The following MCF2 variants were observed in gnomAD, a reference collection of about 807,000 sequenced individuals.
The protein encoded by MCF2 is proto-oncogene DBL.
Under a neutral mutation model 82.5 loss-of-function variants are expected in MCF2, and 44 were observed. The observed-to-expected ratio is 0.53, with a 90% CI of 0.42 to 0.69. The LOEUF (loss-of-function observed/expected upper bound fraction) is 0.69, where lower values mean the gene tolerates loss of function less well. Ranked by LOEUF, MCF2 falls within the 30% of genes least tolerant of loss-of-function variation. The pLI is 0.00. For missense variants in MCF2, 623 were observed against 663.1 expected (o/e 0.94, Z 0.66); for synonymous variants, 217 against 224.9 (o/e 0.96, Z 0.32).
exon 17 of MCF2, chrX:139,598,418 C>A: frequency 8.7e-7 from 1 of 1,152,105 alleles, no homozygotes; most frequent in Non-Finnish European, 1.2e-6. Context: ...TCAACAATAA[C>A]TGATATTTAG....
chrX:139,614,414 A>G (rs1460015069), intron 10 of MCF2, among the ~76,000 whole-genome samples: 1 of 111,531 alleles, frequency 9.0e-6, no homozygotes, highest in Non-Finnish European at 1.9e-5. Flanking sequence ...ACTATGCAAT[A>G]TATTCATGTA....
intron 1 of MCF2, among the ~76,000 whole-genome samples, chrX:139,691,297 C>A (rs1487869865): frequency 9.0e-6 from 1 of 111,559 alleles, no homozygotes; most frequent in Non-Finnish European, 1.9e-5. Flanking sequence ...CACGGCCCTG[C>A]TGCTGGTTTC....
chrX:139,692,185 T>C, intron 1 of MCF2: 2 of 966,068 alleles, frequency 2.1e-6, no homozygotes, highest in Non-Finnish European at 2.8e-6. Flanking sequence ...GCTGCCATCC[T>C]CACGCTGGAG....
chrX:139,663,264 G>A (rs1292755033), intron 1 of MCF2, among the ~76,000 whole-genome samples: 4 of 112,190 alleles, frequency 3.6e-5, no homozygotes, highest in Non-Finnish European at 5.6e-5. Context: ...TCTACCCGCA[G>A]TATATAAGAA....
intron 1 of MCF2, among the ~76,000 whole-genome samples, chrX:139,655,522 T>A (rs189782929): frequency 2.0e-4 from 22 of 111,817 alleles, no homozygotes; most frequent in East Asian, 1.7e-3. Flanking sequence ...CTAAGAGTTT[T>A]TTATTATTAT....
At chrX:139,593,727 T>C (rs1929748251) in intron 19 of MCF2, among the ~76,000 whole-genome samples, 1 of 111,439 alleles carries the variant, frequency 9.0e-6, no homozygotes, top group Admixed American at 9.6e-5. Flanking sequence ...CAAGGCTGGT[T>C]CAATATACGC....
At chrX:139,662,998 A>G (rs775178976) in intron 1 of MCF2, among the ~76,000 whole-genome samples, 1 of 112,420 alleles carries the variant, frequency 8.9e-6, no homozygotes, top group Admixed American at 9.4e-5. Context: ...ACCAAATATT[A>G]TTCCATTGTG....
intron 6 of MCF2, among the ~76,000 whole-genome samples, chrX:139,621,570 T>C (rs1159493771): frequency 9.0e-6 from 1 of 111,151 alleles, no homozygotes; most frequent in South Asian, 3.8e-4. Context: ...TCAGAAATAA[T>C]GCCGCATATC....
At chrX:139,664,226 C>T (rs1391856906) in intron 1 of MCF2, among the ~76,000 whole-genome samples, 2 of 110,190 alleles carry the variant, frequency 1.8e-5, no homozygotes, top group African/African-American at 6.6e-5. Flanking sequence ...TGGTCTCGAA[C>T]TCCTGACCTC....
intron 23 of MCF2, 99 bp from the exon 28 acceptor site, chrX:139,585,277 A>T (rs180803010): frequency 3.1e-5 from 16 of 513,477 alleles, no homozygotes; most frequent in African/African-American, 1.4e-4. Context: ...AGTTGAATTT[A>T]AAAAAATGGA....
intron 1 of MCF2, among the ~76,000 whole-genome samples, chrX:139,656,226 T>G (rs2148533751): frequency 9.0e-6 from 1 of 111,507 alleles, no homozygotes; most frequent in African/African-American, 3.3e-5. Context: ...CATACCTGGC[T>G]AATTTTTTGT....
intron 1 of MCF2, among the ~76,000 whole-genome samples, chrX:139,638,285 T>C (rs943078971): frequency 2.7e-5 from 3 of 111,668 alleles, no homozygotes; most frequent in Non-Finnish European, 5.6e-5. Flanking sequence ...GCAGAAGTTA[T>C]AGCAGGGATG....
At chrX:139,619,768 T>C in intron 6 of MCF2, 62 bp from the exon 10 acceptor site, 1 of 911,777 alleles carries the variant, frequency 1.1e-6, no homozygotes, top group African/African-American at 2.0e-5. Context: ...GATCAAGTTT[T>C]ATACAAAATG....
At chrX:139,684,450 T>C (rs905270060) in intron 1 of MCF2, among the ~76,000 whole-genome samples, 5 of 111,894 alleles carry the variant, frequency 4.5e-5, no homozygotes, top group Non-Finnish European at 9.4e-5. Context: ...ACAGTTACTC[T>C]AGGACCTAGC....
rs181223410 is a variant in MCF2, at chrX:139,640,068, G to A, written c.51+2400C>T. On this transcript the variant is annotated intron_variant, in intron 1 of 24. Transcript: ENST00000370576. ...TAGTACGGCCTATCTGGATCCTAAG[G>A]GCAAACTCTTTCTAGACACTTAACA... is the stretch of plus-strand genomic sequence containing the variant. Among the ~76,000 whole-genome samples, 37 of 111,026 alleles carry A rather than the reference G, an allele frequency of 3.3e-4. No individual in the cohort carries two copies. In the East Asian group the frequency reaches 1.0e-2, roughly 30 times the overall value.
intron 1 of MCF2, among the ~76,000 whole-genome samples, chrX:139,659,018 G>A (rs189968308): frequency 3.6e-5 from 4 of 111,440 alleles, no homozygotes; most frequent in African/African-American, 1.3e-4. Flanking sequence ...GGCTGGGTGC[G>A]GTGGCTCACG....
At chrX:139,687,574 T>C (rs1290788951) in intron 1 of MCF2, among the ~76,000 whole-genome samples, 1 of 112,560 alleles carries the variant, frequency 8.9e-6, no homozygotes, top group Non-Finnish European at 1.9e-5. Context: ...ACAATTGCTT[T>C]CAAACCTGGG....
At chrX:139,612,845 A>C (rs2148451674) in intron 10 of MCF2, among the ~76,000 whole-genome samples, 1 of 112,099 alleles carries the variant, frequency 8.9e-6, no homozygotes, top group Admixed American at 9.5e-5. Context: ...CCTCATACAT[A>C]CATTAGGCAG....
At chrX:139,666,425 G>C (rs1934521975) in intron 1 of MCF2, among the ~76,000 whole-genome samples, 1 of 111,125 alleles carries the variant, frequency 9.0e-6, no homozygotes, top group South Asian at 3.8e-4. Context: ...CTCAGCATTT[G>C]CTTGTTTAAA....
Sources: gnomAD v4.1 joint callset for allele counts (sites outside exome capture counted in the v4.1 genomes callset) on GRCh38, gnomAD v4.1.1 for gene constraint, MANE v1.5 for transcripts, NCBI Gene and HGNC (gene_info 2026-07-23, HGNC 2026-07-21) for gene names.